HDAC9: variants seen among roughly 807,000 people sequenced by gnomAD.
The protein encoded by HDAC9 is histone deacetylase 9.
In HDAC9, 41 loss-of-function variants were observed where a neutral mutation model predicts 139.4. The observed-to-expected ratio is 0.29, with a 90% CI of 0.23 to 0.38. The LOEUF (loss-of-function observed/expected upper bound fraction) is 0.38. Among genes scored for constraint, HDAC9 ranks in the 10% least tolerant of loss-of-function variants. The pLI is 1.00. For synonymous variants in HDAC9, 517 were observed against 476.2 expected (o/e 1.09, Z -1.12); for missense variants, 1,147 against 1,297.0 (o/e 0.88, Z 1.78).
chr7:18,642,079 G>T lies in HDAC9; in HGVS notation c.913-2592G>T, dbSNP rs529053001. Among the ~76,000 whole-genome samples, 4 of 152,178 alleles carry T rather than the reference G, an allele frequency of 2.6e-5. No homozygotes were observed. The East Asian group carries it at 7.8e-4, about 29-fold the overall frequency. On this transcript the variant is annotated intron_variant, in intron 8 of 25. Transcript: ENST00000686413. ...CCTTATCTGTAATCCAAGGAGATAA[G>T]CTAAGCAATGTCCCGGTCTGTAAAG...
chr7:18,451,838 A>G (rs973893477), intron 1 of HDAC9, among the ~76,000 whole-genome samples: 1 of 152,034 alleles, frequency 6.6e-6, no homozygotes, highest in African/African-American at 2.4e-5. Flanking sequence ...GCTTCACTCA[A>G]AGAAAAGAGT....
chr7:18,984,449 T>C (rs1399044895), intron 25 of HDAC9, among the ~76,000 whole-genome samples: 1 of 152,122 alleles, frequency 6.6e-6, no homozygotes, highest in African/African-American at 2.4e-5. Flanking sequence ...AGTATTAAGC[T>C]TTCACAGAGA....
At chr7:18,786,609 CCT>C (rs1791792294) in intron 16 of HDAC9, among the ~76,000 whole-genome samples, 2 of 83,628 alleles carry the variant, frequency 2.4e-5, no homozygotes, top group African/African-American at 5.6e-5. Context: ...TTCCTTCCTT[CCT>C]TCCTTCCCTC....
chr7:18,418,457 A>T (rs1332386382), intron 1 of HDAC9, among the ~76,000 whole-genome samples: 1 of 151,612 alleles, frequency 6.6e-6, no homozygotes, highest in African/African-American at 2.4e-5. Flanking sequence ...AGCTACACGA[A>T]CACTTAAAGT....
At chr7:18,982,552 G>C (rs1326697143) in intron 25 of HDAC9, among the ~76,000 whole-genome samples, 1 of 151,760 alleles carries the variant, frequency 6.6e-6, no homozygotes, top group Non-Finnish European at 1.5e-5. Context: ...TTTTACCAAT[G>C]CCACCCTCAT....
chr7:18,218,951 C>T (rs1025544264), intron 2 of HDAC9, among the ~76,000 whole-genome samples: 1 of 152,100 alleles, frequency 6.6e-6, no homozygotes, highest in Non-Finnish European at 1.5e-5. Context: ...GGCATGTAAA[C>T]ATTTTAAGGC....
At chr7:18,336,416 C>T (rs570606003) in intron 1 of HDAC9, among the ~76,000 whole-genome samples, 10 of 151,676 alleles carry the variant, frequency 6.6e-5, no homozygotes, top group Admixed American at 4.6e-4. Flanking sequence ...AAACAAGGCT[C>T]TGTGGAATGA....
At chr7:18,301,266 C>G (rs185015521) in intron 1 of HDAC9, among the ~76,000 whole-genome samples, 1 of 152,130 alleles carries the variant, frequency 6.6e-6, no homozygotes, top group East Asian at 1.9e-4. Context: ...ATATCAGAAG[C>G]TATTGACTAA....
chr7:18,627,919 C>T (rs1842128131), intron 6 of HDAC9, among the ~76,000 whole-genome samples: 2 of 151,536 alleles, frequency 1.3e-5, no homozygotes, highest in African/African-American at 2.4e-5. Flanking sequence ...TTCACCAAGC[C>T]AATTCCAAGA....
intron 1 of HDAC9, among the ~76,000 whole-genome samples, chr7:18,313,132 C>T (rs1799421577): frequency 6.6e-6 from 1 of 152,102 alleles, no homozygotes; most frequent in Non-Finnish European, 1.5e-5. Context: ...AACATTTCTT[C>T]ATCACCTGAG....
intron 2 of HDAC9, among the ~76,000 whole-genome samples, chr7:18,180,263 A>ACACACC (rs751720529): frequency 3.3e-5 from 5 of 149,542 alleles, no homozygotes; most frequent in African/African-American, 1.2e-4. Flanking sequence ...ACACACACAC[A>ACACACC]CACACACACA....
At chr7:18,334,318 A>G (rs1781427326) in intron 1 of HDAC9, among the ~76,000 whole-genome samples, 1 of 151,472 alleles carries the variant, frequency 6.6e-6, no homozygotes, top group African/African-American at 2.4e-5. Context: ...ATAATAATTC[A>G]CCTGAATCAG....
intron 2 of HDAC9, among the ~76,000 whole-genome samples, chr7:18,255,675 C>T (rs1333367564): frequency 7.6e-5 from 10 of 132,130 alleles, no homozygotes; most frequent in East Asian, 4.6e-4. Context: ...GTTGCCCAGG[C>T]GGGCGCGCGG....
intron 22 of HDAC9, among the ~76,000 whole-genome samples, chr7:18,919,676 C>T (rs1195154309): frequency 6.6e-6 from 1 of 151,924 alleles, no homozygotes. Flanking sequence ...TGAAATTCCA[C>T]CTCCTATACA....
At chr7:18,415,304 A>G (rs62446974) in intron 1 of HDAC9, among the ~76,000 whole-genome samples, 3,519 of 152,338 alleles carry the variant, frequency 0.023, 56 homozygotes, top group Non-Finnish European at 0.034. Flanking sequence ...TCACACTGGT[A>G]CAACTGCGCT....
intron 1 of HDAC9, among the ~76,000 whole-genome samples, chr7:18,131,246 T>C (rs1386534186): frequency 6.6e-6 from 1 of 152,146 alleles, no homozygotes; most frequent in Non-Finnish European, 1.5e-5. Context: ...TCTCAAAAGG[T>C]GAGCTCTCTG....
chr7:18,096,990 G>A (rs1447506943), intron 1 of HDAC9, among the ~76,000 whole-genome samples: 1 of 151,680 alleles, frequency 6.6e-6, no homozygotes, highest in Non-Finnish European at 1.5e-5. Context: ...GATTAGTGCT[G>A]TCCAGTAAGA....
chr7:18,442,066 G>A (rs145442886), intron 1 of HDAC9, among the ~76,000 whole-genome samples: 2 of 152,124 alleles, frequency 1.3e-5, no homozygotes, highest in Non-Finnish European at 1.5e-5. Context: ...CCCTGTGCCC[G>A]GCTGGGACTT....
At chr7:18,621,969 G>T (rs1840335936) in intron 6 of HDAC9, among the ~76,000 whole-genome samples, 1 of 152,216 alleles carries the variant, frequency 6.6e-6, no homozygotes, top group South Asian at 2.1e-4. Flanking sequence ...TGGGTTATAG[G>T]AGAGATTTGG....
Sources: gnomAD v4.1 joint callset for allele counts (sites outside exome capture counted in the v4.1 genomes callset) on GRCh38, gnomAD v4.1.1 for gene constraint, MANE v1.5 for transcripts, NCBI Gene and HGNC (gene_info 2026-07-23, HGNC 2026-07-21) for gene names.